NCOA2: variants seen among roughly 807,000 people sequenced by gnomAD.
NCOA2 encodes the protein nuclear receptor coactivator 2, also known as class E basic helix-loop-helix protein 75.
Under a neutral mutation model 145.1 loss-of-function variants are expected in NCOA2, and 21 were observed. The ratio of observed to expected loss-of-function variants is 0.14; its 90% CI spans 0.10 to 0.21. NCOA2 has a LOEUF of 0.21. Ranked by LOEUF, NCOA2 falls within the 10% of genes least tolerant of loss-of-function variation. The pLI is 1.00. For missense variants in NCOA2, 1,472 were observed against 1,837.6 expected (o/e 0.80, Z 3.64); for synonymous variants, 619 against 637.5 (o/e 0.97, Z 0.44).
intron 4 of NCOA2, among the ~76,000 whole-genome samples, chr8:70,207,218 TA>T (rs959677916): frequency 6.6e-6 from 1 of 152,230 alleles, no homozygotes; most frequent in African/African-American, 2.4e-5. Context: ...ATGACAGAAT[TA>T]ATTTCTTTTC....
chr8:70,431,322 A>G, the NCOA2 span, among the ~76,000 whole-genome samples: 1 of 152,158 alleles, frequency 6.6e-6, no homozygotes, highest in Non-Finnish European at 1.5e-5. Context: ...AAGATGTGAT[A>G]TCTAAAATAA....
intron 15 of NCOA2, among the ~76,000 whole-genome samples, chr8:70,134,816 A>C (rs770456254): frequency 1.3e-5 from 2 of 152,238 alleles, no homozygotes; most frequent in Non-Finnish European, 2.9e-5. Flanking sequence ...TTAAAAAGTT[A>C]AACAGTGCCT....
chr8:70,399,140 G>C lies in NCOA2; in HGVS notation c.-77+4560C>G, dbSNP rs1229113607. Among the ~76,000 whole-genome samples the C allele has an allele frequency of 2.0e-5, 3 of 152,226 alleles. No homozygotes were observed. In the South Asian group the frequency reaches 6.2e-4, roughly 32 times the overall value. ...TTTCTTTATGATGTCTGAATTGAAGGTCTGCAACATTAAAATTGTATTTCA... is the reference window on the plus strand; with the variant it reads ...TTTCTTTATGATGTCTGAATTGAAGCTCTGCAACATTAAAATTGTATTTCA... On this transcript the variant is annotated intron_variant, in intron 1 of 22. Coordinates refer to ENST00000452400, the MANE Select transcript of NCOA2 (RefSeq NM_006540.4).
At chr8:70,298,752 C>T (rs1231818708) in intron 1 of NCOA2, among the ~76,000 whole-genome samples, 1 of 152,120 alleles carries the variant, frequency 6.6e-6, no homozygotes, top group Non-Finnish European at 1.5e-5. Context: ...GCAAAAGTGT[C>T]AATGCACCCA....
intron 6 of NCOA2, among the ~76,000 whole-genome samples, chr8:70,168,054 C>T (rs952138414): frequency 3.3e-5 from 5 of 152,010 alleles, no homozygotes; most frequent in African/African-American, 7.2e-5. Context: ...AAGGGTGAGT[C>T]ATAAGAAAAC....
chr8:70,198,317 T>G (rs974771437), intron 4 of NCOA2, among the ~76,000 whole-genome samples: 1 of 152,144 alleles, frequency 6.6e-6, no homozygotes, highest in African/African-American at 2.4e-5. Context: ...ACACAAGCTG[T>G]GCAGTTATGA....
At chr8:70,355,689 C>G (rs1809627419) in intron 1 of NCOA2, among the ~76,000 whole-genome samples, 1 of 151,986 alleles carries the variant, frequency 6.6e-6, no homozygotes, top group South Asian at 2.1e-4. Flanking sequence ...CACCCCTGCT[C>G]TAAGAAATGC....
intron 1 of NCOA2, among the ~76,000 whole-genome samples, chr8:70,307,312 G>A (rs1203067518): frequency 6.6e-6 from 1 of 150,466 alleles, no homozygotes; most frequent in Non-Finnish European, 1.5e-5. Context: ...GTGACAAAAT[G>A]AGAACTTTAC....
In NCOA2 at chr8:70,113,724, A is replaced by G. The variant is rs116401239; in HGVS notation, c.4384-81T>C. ...TCATAAAGCCCACCACAAAAACATC[A>G]AAATTCCTGACTGTTTTCAATAAAG... On this transcript the variant is annotated intron_variant, in intron 22 of 22. Coordinates refer to ENST00000452400, the MANE Select transcript of NCOA2 (RefSeq NM_006540.4). 2.4e-3 allele frequency: 3,243 copies of G among 1,326,940 alleles called. 76 individuals carry two copies. The African/African-American group carries it at 0.042, about 17-fold the overall frequency. The allele number at this position is 1,326,940 out of a possible 1,614,324, so 82.2% of individuals were successfully genotyped here.
intron 2 of NCOA2, among the ~76,000 whole-genome samples, chr8:70,244,216 G>T (rs541218504): frequency 6.6e-6 from 1 of 152,192 alleles, no homozygotes; most frequent in East Asian, 1.9e-4. Flanking sequence ...ATCTGCTCTA[G>T]AAGTTAAATG....
At chr8:70,166,541 G>A (rs1379700136) in intron 7 of NCOA2, 25 bp downstream of exon 7, 1 of 1,612,370 alleles carries the variant, frequency 6.2e-7, no homozygotes, top group African/African-American at 1.3e-5. Context: ...CAGACACACA[G>A]AACACCCTAG....
chr8:70,210,216 T>C (rs748040171), intron 4 of NCOA2, among the ~76,000 whole-genome samples: 1 of 152,216 alleles, frequency 6.6e-6, no homozygotes, highest in Admixed American at 6.5e-5. Flanking sequence ...ATGGTTTGTT[T>C]TGAGTACGAA....
At chr8:70,262,493 C>A (rs1257745108) in intron 2 of NCOA2, among the ~76,000 whole-genome samples, 1 of 152,170 alleles carries the variant, frequency 6.6e-6, no homozygotes, top group South Asian at 2.1e-4. Context: ...AATTGCAGTT[C>A]CTTGAATCAT....
chr8:70,415,602 G>C, the NCOA2 span, among the ~76,000 whole-genome samples: 4 of 152,142 alleles, frequency 2.6e-5, no homozygotes, highest in Non-Finnish European at 5.9e-5. Context: ...AAGTAATTGT[G>C]GGCGGGAATA....
intron 2 of NCOA2, among the ~76,000 whole-genome samples, chr8:70,239,853 C>A (rs1172018985): frequency 6.6e-6 from 1 of 152,110 alleles, no homozygotes; most frequent in Admixed American, 6.6e-5. Context: ...AGTTACAAGG[C>A]AGAGAAAAGA....
At chr8:70,335,247 C>CT (rs1349600249) in intron 1 of NCOA2, among the ~76,000 whole-genome samples, 1 of 148,850 alleles carries the variant, frequency 6.7e-6, no homozygotes, top group Non-Finnish European at 1.5e-5. Flanking sequence ...CCCATACTGG[C>CT]TTTTCCCTTT....
chr8:70,238,544 A>G (rs1289407005), intron 2 of NCOA2, among the ~76,000 whole-genome samples: 2 of 152,222 alleles, frequency 1.3e-5, no homozygotes, highest in African/African-American at 4.8e-5. Context: ...TGTCTAAGAA[A>G]TGCCATTAAA....
At chr8:70,239,267 G>A (rs1821917069) in intron 2 of NCOA2, among the ~76,000 whole-genome samples, 1 of 152,158 alleles carries the variant, frequency 6.6e-6, no homozygotes, top group South Asian at 2.1e-4. Flanking sequence ...CCTTGCAATG[G>A]CAACTGAATA....
In NCOA2 at chr8:70,170,183, A is replaced by T. The variant is rs1317464858; in HGVS notation, c.541+19T>A. On this transcript the variant is annotated intron_variant, in intron 6 of 22. Transcript: ENST00000452400. ...TGGGGGTGACGGGAGGTAGGGAGGG[A>T]GACCCAGCAGACATTTACCTATAGA... The T allele has an allele frequency of 6.2e-7, 1 of 1,610,198 alleles. No homozygotes were observed. The highest frequency in any genetic ancestry group is 8.5e-7 in the Non-Finnish European group (1 of 1,178,354).
Sources: gnomAD v4.1 joint callset for allele counts (sites outside exome capture counted in the v4.1 genomes callset) on GRCh38, gnomAD v4.1.1 for gene constraint, MANE v1.5 for transcripts, NCBI Gene and HGNC (gene_info 2026-07-23, HGNC 2026-07-21) for gene names.